The following CFAP44 variants were observed in gnomAD, a reference collection of about 807,000 sequenced individuals.
CFAP44 encodes cilia and flagella associated protein 44.
Under a neutral mutation model 216.2 loss-of-function variants are expected in CFAP44, and 134 were observed. The ratio of observed to expected loss-of-function variants is 0.62; its 90% confidence interval spans 0.54 to 0.72. The LOEUF is 0.72. Ranked by LOEUF, CFAP44 falls within the 30% of genes least tolerant of loss-of-function variation. The pLI, the probability that CFAP44 is intolerant of heterozygous loss-of-function variation, is 0.00. For synonymous variants in CFAP44, 700 were observed against 727.6 expected (o/e 0.96, Z 0.61); for missense variants, 2,035 against 2,182.1 (o/e 0.93, Z 1.34).
chr3:113,427,390 A>G (rs762780239), intron 2 of CFAP44, 51 bp from the exon 3 acceptor site: 1 of 1,423,080 alleles, frequency 7.0e-7, no homozygotes, highest in Non-Finnish European at 9.6e-7. Context: ...ACATTTTCTT[A>G]TTTCTAAAGT....
intron 17 of CFAP44, among the ~76,000 whole-genome samples, chr3:113,375,830 T>C (rs1481318884): frequency 6.7e-6 from 1 of 149,628 alleles, no homozygotes; most frequent in Non-Finnish European, 1.5e-5. Context: ...GTCTCAAAAA[T>C]AAAAATAAAT....
At position 113,381,081 on chromosome 3, in the gene CFAP44, A is replaced by T. The variant is rs1006602554; in HGVS notation, c.1891-21T>A. The T allele has an allele frequency of 4.6e-6, 7 of 1,526,620 alleles. No individual in the cohort carries two copies. In the African/African-American group the frequency reaches 9.8e-5, roughly 21 times the overall value. The allele number at this position is 1,526,620 out of a possible 1,614,324, so 94.6% of individuals were successfully genotyped here. ...TCAGGCTAAAAAAGAAAAATTGAACATATTTACATTTAGGCAAATTTTTAA... is the reference window on the plus strand; with the variant it reads ...TCAGGCTAAAAAAGAAAAATTGAACTTATTTACATTTAGGCAAATTTTTAA... On this transcript the variant is annotated intron_variant, in intron 15 of 34. Coordinates refer to ENST00000393845, the MANE Select transcript of CFAP44 (RefSeq NM_001164496.2).
At chr3:113,419,585 T>TGAGATATG (rs1934752266) in intron 5 of CFAP44, among the ~76,000 whole-genome samples, 1 of 152,232 alleles carries the variant, frequency 6.6e-6, no homozygotes, top group South Asian at 2.1e-4. Context: ...CATATCCTGT[T>TGAGATATG]TCCATAGTCA....
rs1483578278 is a variant in CFAP44 at position 113,441,463 on chromosome 3, G to A, written c.-16C>T. On this transcript the variant is annotated 5_prime_UTR_variant, in exon 1 of 35. Coordinates refer to ENST00000393845, the MANE Select transcript of CFAP44 (RefSeq NM_001164496.2). ...GAGGTCCAAACTCACCGAAGGTACT[G>A]ACCGCCGCGGCTCCTCTCTTCACAG... 9.1e-6 allele frequency: 9 copies of A among 984,668 alleles called. No individual in the cohort carries two copies. Among genetic ancestry groups the A allele is most frequent in the Admixed American group, 1.2e-4 (2 of 16,264 alleles). 61.0% of individuals were successfully genotyped at this position (984,668 alleles called of 1,614,324 possible).
chr3:113,344,293 G>A (rs550405713), intron 23 of CFAP44, among the ~76,000 whole-genome samples: 16 of 151,926 alleles, frequency 1.1e-4, no homozygotes, highest in Middle Eastern at 3.2e-3. Context: ...AGAGGAAAGT[G>A]GACATGGAGC....
At position 113,330,486 on chromosome 3, in the gene CFAP44, T is replaced by C; in HGVS notation, c.3798A>G (p.Glu1266=). 1 of 1,537,278 alleles carries C rather than the reference T, an allele frequency of 6.5e-7. No homozygotes were observed. Among genetic ancestry groups the C allele is most frequent in the Non-Finnish European group, 8.7e-7 (1 of 1,146,900 alleles). Residue 1266 remains glutamate (E), a synonymous_variant, in exon 26 of 35, where the codon GAA becomes GAG. Transcript: ENST00000393845. ...IPQIHPEEVP[E]KRFQYDEETL... ...TTTCTTCATCATACTGAAATCTCTT[T>C]TCTGGAACTTCTTCTGGGTGTATCT...
At chr3:113,364,248 A>G (rs1950567980) in intron 19 of CFAP44, among the ~76,000 whole-genome samples, 1 of 152,172 alleles carries the variant, frequency 6.6e-6, no homozygotes, top group South Asian at 2.1e-4. Flanking sequence ...TTAGTTTGCT[A>G]ACTAGTCTGT....
chr3:113,350,176 AAG>A (rs144560404), intron 22 of CFAP44, among the ~76,000 whole-genome samples: 13 of 150,000 alleles, frequency 8.7e-5, no homozygotes, highest in Non-Finnish European at 1.3e-4. Context: ...GCAGAGAGGA[AAG>A]AGAGAGAGAG....
At chr3:113,376,456 G>A (rs934052392) in intron 17 of CFAP44, among the ~76,000 whole-genome samples, 1 of 152,138 alleles carries the variant, frequency 6.6e-6, no homozygotes. Flanking sequence ...GAAAGAGGGG[G>A]CCCAAGGCCG....
At position 113,401,579 on chromosome 3, in the gene CFAP44, C is replaced by T. The variant is rs1341762168; in HGVS notation, c.1326+5G>A. The T allele has an allele frequency of 6.2e-7, 1 of 1,612,390 alleles. No homozygotes were observed. Among genetic ancestry groups the T allele is most frequent in the Non-Finnish European group, 8.5e-7 (1 of 1,179,484 alleles). On this transcript the variant is annotated splice_donor_5th_base_variant and intron_variant, in intron 10 of 34. Transcript: ENST00000393845. ...AAAGAGCCAAGAGACAAGAATGCAA[C>T]ACACCTGAGCCAACCAAAAGTTATT...
At position 113,330,327 on chromosome 3, in the gene CFAP44, G is replaced by A; in HGVS notation, c.3957C>T (p.Thr1319=). The change falls in exon 26 of 35, where the codon ACC becomes ACT. Residue 1319 remains threonine, a synonymous_variant. Transcript: ENST00000393845. ...LSSRKDGDLT[T]RDSISRSSKA... ...TTGATGATCTAGATATTGAATCACG[G>A]GTTGTCAAATCCCCATCCTTTCTAG... 1 of 1,537,112 alleles carries A rather than the reference G, an allele frequency of 6.5e-7. No homozygotes were observed. The highest frequency in any genetic ancestry group is 8.7e-7 in the Non-Finnish European group (1 of 1,146,864).
At chr3:113,322,758 T>C (rs1314826810) in intron 28 of CFAP44, among the ~76,000 whole-genome samples, 2 of 152,160 alleles carry the variant, frequency 1.3e-5, no homozygotes, top group Non-Finnish European at 2.9e-5. Context: ...AAATAGATCA[T>C]TATACCAAAA....
Position 113,393,782 on chromosome 3 carries a change from T to G in CFAP44, c.1890+1968A>C, listed in dbSNP as rs148923207. Among the ~76,000 whole-genome samples the G allele has an allele frequency of 8.6e-3, 1,304 of 152,314 alleles. 21 individuals are homozygous for G. Among genetic ancestry groups the G allele is most frequent in the African/African-American group, 0.03 (1,247 of 41,562 alleles). ...TACTTGCCTTGGCCTCCCAAAGTGC[T>G]GGGATTACAGGCGTGAGCCACCGCG... On this transcript the variant is annotated intron_variant, in intron 15 of 34. Coordinates refer to ENST00000393845, the MANE Select transcript of CFAP44 (RefSeq NM_001164496.2).
At chr3:113,373,137 T>G (rs1042670201) in intron 18 of CFAP44, among the ~76,000 whole-genome samples, 1 of 152,220 alleles carries the variant, frequency 6.6e-6, no homozygotes, top group South Asian at 2.1e-4. Context: ...TTTCTGACTA[T>G]GTAAGTAGCA....
At chr3:113,365,613 TA>T (rs972210505) in intron 19 of CFAP44, among the ~76,000 whole-genome samples, 7 of 152,286 alleles carry the variant, frequency 4.6e-5, no homozygotes, top group African/African-American at 1.7e-4. Flanking sequence ...ATTCTAATAC[TA>T]AAAACAACTA....
At chr3:113,373,960 A>G (rs1156265829) in intron 17 of CFAP44, among the ~76,000 whole-genome samples, 1 of 152,182 alleles carries the variant, frequency 6.6e-6, no homozygotes, top group Non-Finnish European at 1.5e-5. Flanking sequence ...AATTTTCCAG[A>G]AAGGGCTATT....
chr3:113,396,625 T>C lies in CFAP44; in HGVS notation c.1672A>G (p.Lys558Glu). Residue 558 changes from lysine (K) to glutamate (E), a missense_variant, in exon 14 of 35, where the codon AAG becomes GAG. This residue lies in a region of CFAP44 where 1,883 missense variants were observed against 2,023.7 expected (regional missense o/e 0.93). Coordinates refer to ENST00000393845, the MANE Select transcript of CFAP44 (RefSeq NM_001164496.2). The stretch of plus-strand genomic sequence containing the variant: ...TGAATATCAGCATCCAAAATTTTCT[T>C]CCGTCCCGCAAAAATCGTGAGCCCT... The part of the protein sequence containing the change: ...PKGLTIFAGR[K>E]KILDADIQLK... The C allele has an allele frequency of 1.9e-6, 3 of 1,614,110 alleles. No individual in the cohort carries two copies. Among genetic ancestry groups the C allele is most frequent in the Non-Finnish European group, 2.5e-6 (3 of 1,179,994 alleles).
chr3:113,416,353 C>A (rs1488142208), intron 6 of CFAP44, among the ~76,000 whole-genome samples, 172 bp downstream of exon 6: 1 of 152,026 alleles, frequency 6.6e-6, no homozygotes, highest in African/African-American at 2.4e-5. Flanking sequence ...GGGCATTTAG[C>A]CCATTTACAT....
At position 113,347,641 on chromosome 3, in the gene CFAP44, T is replaced by G. The variant is rs554282756; in HGVS notation, c.3066-2929A>C. ...ATTGGGTGGGGAGACCAACTATCCT[T>G]TTAGGATCCTTCCTCAGACAAGCGG... On this transcript the variant is annotated intron_variant, in intron 22 of 34. Coordinates refer to ENST00000393845, the MANE Select transcript of CFAP44 (RefSeq NM_001164496.2). 5.9e-5 allele frequency among the ~76,000 whole-genome samples: 9 copies of G among 152,248 alleles called. No homozygotes were observed. The East Asian group carries it at 1.7e-3, about 29-fold the overall frequency.
Sources: allele counts gnomAD v4.1 joint callset (sites outside exome capture counted in the v4.1 genomes callset), GRCh38; gene constraint gnomAD v4.1.1; regional missense constraint gnomAD v4.1.1; transcripts MANE v1.5; gene names NCBI Gene and HGNC (gene_info 2026-07-23, HGNC 2026-07-21).